ASPSCR1: variants seen among roughly 807,000 people sequenced by gnomAD.
The protein encoded by ASPSCR1 is ASPSCR1 tether for SLC2A4, UBX domain containing.
ASPSCR1 carries 55 observed loss-of-function variants against 68.9 expected under a neutral mutation model. The ratio of observed to expected loss-of-function variants is 0.80; its 90% CI spans 0.64 to 1.00. The LOEUF (loss-of-function observed/expected upper bound fraction) is 1.00. Among genes scored for constraint, ASPSCR1 ranks in the 50% least tolerant of loss-of-function variants. The pLI, the probability that ASPSCR1 is intolerant of heterozygous loss-of-function variation, is 0.00. For missense variants in ASPSCR1, 765 were observed against 762.2 expected (o/e 1.00, Z -0.04); for synonymous variants, 352 against 332.6 (o/e 1.06, Z -0.63).
At chr17:81,984,874 GCACACACACCCCC>G (rs1409679532) in intron 3 of ASPSCR1, among the ~76,000 whole-genome samples, 3 of 19,346 alleles carry the variant, frequency 1.6e-4, no homozygotes, top group East Asian at 1.5e-3. Flanking sequence ...GCACACCCCC[GCACACACACCCCC>G]CACACACACC....
intron 7 of ASPSCR1, among the ~76,000 whole-genome samples, chr17:81,997,105 C>CGCCCCGGGATGAGGCCGTGTGG (rs1555634189): frequency 2.8e-5 from 4 of 144,178 alleles, no homozygotes; most frequent in Non-Finnish European, 6.1e-5. Context: ...AGGCCGTGTC[C>CGCCCCGGGATGAGGCCGTGTGG]GCTCCGGGAT....
chr17:81,996,132 G>A (rs2042329220), intron 6 of ASPSCR1, 67 bp downstream of exon 6: 2 of 1,489,240 alleles, frequency 1.3e-6, no homozygotes, highest in Non-Finnish European at 1.8e-6. Flanking sequence ...TCAAAGGAAA[G>A]GAGAAAGGAC....
At chr17:82,015,236 A>G in intron 12 of ASPSCR1, 1 of 1,598,228 alleles carries the variant, frequency 6.3e-7, no homozygotes, top group Non-Finnish European at 8.5e-7. Context: ...GAGCCTCTCC[A>G]AGCACTGGTC....
rs775397832 is a variant in ASPSCR1 at position 82,017,321 on chromosome 17, G to C, written c.1661G>C (p.Ter554SerextTer5). 1 of 1,611,296 alleles carries C rather than the reference G, an allele frequency of 6.2e-7. No individual in the cohort carries two copies. Among genetic ancestry groups the C allele is most frequent in the Non-Finnish European group, 8.5e-7 (1 of 1,179,944 alleles). Residue 554 changes from the stop codon to serine, a stop_lost, in exon 16 of 16, where the codon TGA (stop) becomes TCA (serine). Transcript: ENST00000306739. ...KWLKLPASKR[*>S] Reference sequence around the variant, plus strand: ...GTCTGCACTACAGCCAGCAAGAGGTGAGAGCTGCCAGCCTGAGGTGCCCAC... The same window carrying C: ...GTCTGCACTACAGCCAGCAAGAGGTCAGAGCTGCCAGCCTGAGGTGCCCAC...
At chr17:81,996,332 G>T in intron 6 of ASPSCR1, 88 bp from the exon 7 acceptor site, 1 of 1,507,868 alleles carries the variant, frequency 6.6e-7, no homozygotes, top group African/African-American at 1.4e-5. Context: ...GGTGAGCCGG[G>T]GGCGGGAGAG....
intron 7 of ASPSCR1, chr17:82,007,768 C>T (rs2042770043): frequency 6.6e-6 from 1 of 152,286 alleles, no homozygotes; most frequent in Non-Finnish European, 1.5e-5. Context: ...CCCCGGGAAC[C>T]CAGGCGTGCT....
intron 7 of ASPSCR1, among the ~76,000 whole-genome samples, chr17:82,001,152 C>T (rs181695835): frequency 2.6e-5 from 4 of 152,024 alleles, no homozygotes; most frequent in Non-Finnish European, 5.9e-5. Context: ...GGTAAACCAG[C>T]GGGGAGGAGG....
At chr17:81,994,758 G>T in intron 4 of ASPSCR1, 63 bp from the exon 5 acceptor site, 1 of 1,525,716 alleles carries the variant, frequency 6.6e-7, no homozygotes. Context: ...CCTGCCCCAG[G>T]GCCTCCGTGG....
At chr17:81,984,715 C>G (rs995819335) in intron 3 of ASPSCR1, among the ~76,000 whole-genome samples, 1 of 151,906 alleles carries the variant, frequency 6.6e-6, no homozygotes, top group Non-Finnish European at 1.5e-5. Flanking sequence ...TTTGAAGCCC[C>G]CACTGGGACA....
At chr17:81,995,021 G>C (rs986132878) in intron 5 of ASPSCR1, 143 bp downstream of exon 5, 8 of 948,582 alleles carry the variant, frequency 8.4e-6, no homozygotes, top group South Asian at 1.8e-5. Context: ...CATGGAAAAA[G>C]AGGGAGTGGC....
In ASPSCR1 at chr17:82,011,622, G is replaced by A. The variant is rs1567992512; in HGVS notation, c.1300+17G>A. The A allele has an allele frequency of 6.2e-7, 1 of 1,603,470 alleles. No individual in the cohort carries two copies. Among genetic ancestry groups the A allele is most frequent in the Non-Finnish European group, 8.5e-7 (1 of 1,176,022 alleles). ...TTTACCTGTGTACGTTTTTTCTCCT[G>A]AGCCCACTCCTGCCTCCAGTGCTCG... is the stretch of plus-strand genomic sequence containing the variant. On this transcript the variant is annotated intron_variant, in intron 11 of 15. Coordinates refer to ENST00000306739, the MANE Select transcript of ASPSCR1 (RefSeq NM_024083.4).
intron 4 of ASPSCR1, among the ~76,000 whole-genome samples, chr17:81,992,678 C>T (rs1465777867): frequency 6.6e-6 from 1 of 152,230 alleles, no homozygotes; most frequent in Non-Finnish European, 1.5e-5. Context: ...CTCTCTCTGC[C>T]TCTGTCCGGG....
intron 4 of ASPSCR1, among the ~76,000 whole-genome samples, chr17:81,989,062 G>A (rs566458784): frequency 6.6e-6 from 1 of 152,270 alleles, no homozygotes; most frequent in South Asian, 2.1e-4. Context: ...ACAAAAAGCA[G>A]CTGGGTGTGG....
intron 3 of ASPSCR1, among the ~76,000 whole-genome samples, chr17:81,985,103 C>T (rs751969775): frequency 1.3e-5 from 2 of 150,164 alleles, no homozygotes; most frequent in African/African-American, 2.5e-5. Flanking sequence ...TGCGCACATA[C>T]CCGCACACAC....
Position 81,985,499 on chromosome 17 carries a change from C to T in ASPSCR1, c.274-8C>T, listed in dbSNP as rs368938644. ...CTAAGGAAGTTTCTCATGTCTTATA[C>T]CCTCCAGGTTCGCATCGCTTTGCAG... On this transcript the variant is annotated splice_polypyrimidine_tract_variant and splice_region_variant and intron_variant, in intron 3 of 15. Coordinates refer to ENST00000306739, the MANE Select transcript of ASPSCR1 (RefSeq NM_024083.4). 139 of 1,613,320 alleles carry T rather than the reference C, an allele frequency of 8.6e-5. 1 individual carries two copies. The highest frequency in any genetic ancestry group is 1.0e-4 in the Non-Finnish European group (122 of 1,179,478).
chr17:82,007,364 T>C (rs1250349982), intron 7 of ASPSCR1: 1 of 152,246 alleles, frequency 6.6e-6, no homozygotes, highest in Non-Finnish European at 1.5e-5. Flanking sequence ...TTTTTCAGTT[T>C]TGTTTTCCAA....
At position 81,977,836 on chromosome 17, in the gene ASPSCR1, C is replaced by CG. The variant is rs1387158975; in HGVS notation, c.102+93dup. ...CCATTGCGGTCGGCGTCCCGGTGTT[C>CG]GGGGGCGGGGCCTCGGCGGCCAATG... On this transcript the variant is annotated intron_variant, in intron 1 of 15. Coordinates refer to ENST00000306739, the MANE Select transcript of ASPSCR1 (RefSeq NM_024083.4). The surrounding 1 kb of genome is among the most constrained non-coding windows in gnomAD (Gnocchi z 5.0). The CG allele has an allele frequency of 3.9e-6, 4 of 1,017,334 alleles. No homozygotes were observed. Among genetic ancestry groups the CG allele is most frequent in the Admixed American group, 4.6e-5 (1 of 21,774 alleles). The allele number at this position is 1,017,334 out of a possible 1,614,324, so 63.0% of individuals were successfully genotyped here. A position where few individuals can be genotyped will look rare whatever the true frequency, so the allele number is the denominator to read the frequency against.
At chr17:81,978,095 C>A in intron 1 of ASPSCR1, 1 of 167,922 alleles carries the variant, frequency 6.0e-6, no homozygotes, top group Non-Finnish European at 1.3e-5. Flanking sequence ...CGTTCCCATT[C>A]CGGGGCGTCC....
chr17:81,991,853 A>C (rs918234331), intron 4 of ASPSCR1, among the ~76,000 whole-genome samples: 1 of 152,162 alleles, frequency 6.6e-6, no homozygotes, highest in Non-Finnish European at 1.5e-5. Flanking sequence ...GCTTTGTCAT[A>C]CCCAGACAGG....
Sources: gnomAD v4.1 joint callset for allele counts (sites outside exome capture counted in the v4.1 genomes callset) on GRCh38, gnomAD v4.1.1 for gene constraint, Gnocchi (gnomAD v3.1) non-coding constraint, MANE v1.5 for transcripts, NCBI Gene and HGNC (gene_info 2026-07-23, HGNC 2026-07-21) for gene names.